PTPRD: variants seen among roughly 807,000 people sequenced by gnomAD.
PTPRD encodes the protein protein tyrosine phosphatase receptor type D.
Under a neutral mutation model 214.5 loss-of-function variants are expected in PTPRD, and 34 were observed. The ratio of observed to expected loss-of-function variants is 0.16; its 90% CI spans 0.12 to 0.21. The LOEUF is 0.21. Among genes scored for constraint, PTPRD ranks in the 10% least tolerant of loss-of-function variants. The probability of loss-of-function intolerance (pLI) is 1.00; values close to 1 mark genes in which losing one functional copy is unlikely to be tolerated. For synonymous variants in PTPRD, 1,128 were observed against 845.7 expected, an observed-to-expected ratio of 1.33 and a Z score of -5.79; for missense variants, 2,545 against 2,398.7, an observed-to-expected ratio of 1.06 and a Z score of -1.27.
intron 2 of PTPRD, among the ~76,000 whole-genome samples, chr9:10,421,844 G>T: frequency 6.6e-6 from 1 of 151,108 alleles, no homozygotes; most frequent in Non-Finnish European, 1.5e-5. Context: ...TTCTGCTTTG[G>T]TTAATTTTAT....
intron 3 of PTPRD, among the ~76,000 whole-genome samples, chr9:10,106,174 A>C (rs2154219877): frequency 1.3e-5 from 2 of 151,884 alleles, no homozygotes; most frequent in Middle Eastern, 3.4e-3. Context: ...ATCTTTTAAC[A>C]AGTTCTCTCC....
At chr9:10,145,036 C>T (rs187713028) in intron 3 of PTPRD, among the ~76,000 whole-genome samples, 3 of 151,894 alleles carry the variant, frequency 2.0e-5, no homozygotes, top group Admixed American at 1.3e-4. Context: ...AATAAACACA[C>T]CGATTTTTCA....
intron 44 of PTPRD, among the ~76,000 whole-genome samples, chr9:8,331,012 T>TATTA (rs2131576828): frequency 6.7e-6 from 1 of 150,344 alleles, no homozygotes; most frequent in East Asian, 1.9e-4. Flanking sequence ...TATTTATTTC[T>TATTA]ATTAACTTCA....
Position 10,406,279 on chromosome 9 carries a change from ATAAG to A in PTPRD, c.-599-65266_-599-65263del, listed in dbSNP as rs565285493. ...AAAATTTTATTAGTTTATTCATCTA[ATAAG>A]TAACCATTTAAGTTACCATATAACC... On this transcript the variant is annotated intron_variant, in intron 2 of 45. Coordinates refer to ENST00000381196, the MANE Select transcript of PTPRD (RefSeq NM_002839.4). 3.4e-3 allele frequency among the ~76,000 whole-genome samples: 511 copies of A among 151,628 alleles called. 4 individuals carry two copies. The highest frequency in any genetic ancestry group is 5.5e-3 in the Non-Finnish European group (373 of 67,682).
chr9:8,330,613 A>G (rs1473774939), intron 44 of PTPRD, among the ~76,000 whole-genome samples: 3 of 152,194 alleles, frequency 2.0e-5, no homozygotes, highest in Non-Finnish European at 4.4e-5. Flanking sequence ...TTCTTATAAC[A>G]TGCCTGAGAA....
intron 3 of PTPRD, among the ~76,000 whole-genome samples, chr9:10,245,213 A>G (rs2091880159): frequency 6.6e-6 from 1 of 152,138 alleles, no homozygotes; most frequent in South Asian, 2.1e-4. Context: ...TCCTCCAAGG[A>G]TAGATTAGTC....
intron 5 of PTPRD, among the ~76,000 whole-genome samples, chr9:9,781,794 C>A (rs1258374685): frequency 9.1e-6 from 1 of 110,292 alleles, no homozygotes; most frequent in Non-Finnish European, 1.7e-5. Flanking sequence ...TGTCTGGACT[C>A]ATATTTTTTT....
At chr9:9,915,907 C>T (rs1413176402) in intron 5 of PTPRD, among the ~76,000 whole-genome samples, 1 of 151,816 alleles carries the variant, frequency 6.6e-6, no homozygotes, top group Non-Finnish European at 1.5e-5. Context: ...AGGTCTACTC[C>T]AAGGCGCATT....
At chr9:9,908,547 C>T (rs572984128) in intron 5 of PTPRD, among the ~76,000 whole-genome samples, 55 of 152,098 alleles carry the variant, frequency 3.6e-4, no homozygotes, top group African/African-American at 1.3e-3. Flanking sequence ...TATATTATTT[C>T]TCAAATGATA....
At chr9:9,419,128 TACACACACACACAC>T (rs142908778) in intron 8 of PTPRD, among the ~76,000 whole-genome samples, 20 of 139,898 alleles carry the variant, frequency 1.4e-4, no homozygotes, top group Non-Finnish European at 2.8e-4. Context: ...AGGCCCCTTA[TACACACACACACAC>T]ACACACACAC....
chr9:9,478,633 A>C (rs562223304), intron 8 of PTPRD, among the ~76,000 whole-genome samples: 24 of 152,220 alleles, frequency 1.6e-4, no homozygotes, highest in Non-Finnish European at 3.5e-4. Flanking sequence ...TCTATCCCAA[A>C]GAGTTAGCCT....
At chr9:9,077,193 T>C (rs2099752512) in intron 10 of PTPRD, among the ~76,000 whole-genome samples, 1 of 151,516 alleles carries the variant, frequency 6.6e-6, no homozygotes, top group Admixed American at 6.6e-5. Context: ...GAGCTCCTTA[T>C]ATATTCTGGT....
intron 3 of PTPRD, among the ~76,000 whole-genome samples, chr9:10,312,878 C>T (rs1009510243): frequency 6.6e-6 from 1 of 151,876 alleles, no homozygotes; most frequent in Admixed American, 6.6e-5. Flanking sequence ...TATAAAATTT[C>T]TTGTCATCTA....
intron 10 of PTPRD, among the ~76,000 whole-genome samples, chr9:9,138,968 C>A (rs546219019): frequency 6.6e-6 from 1 of 152,002 alleles, no homozygotes; most frequent in Non-Finnish European, 1.5e-5. Context: ...TTACAGTAAT[C>A]TTCATTAAGG....
intron 21 of PTPRD, among the ~76,000 whole-genome samples, chr9:8,515,924 C>A (rs10124867): frequency 0.19 from 29,163 of 151,990 alleles, 2,982 homozygotes; most frequent in East Asian, 0.26. Flanking sequence ...GACTAGAAAA[C>A]TGAAGTTCAG....
intron 8 of PTPRD, among the ~76,000 whole-genome samples, chr9:9,500,561 G>A (rs886825104): frequency 7.9e-5 from 12 of 151,432 alleles, no homozygotes; most frequent in Non-Finnish European, 1.5e-4. Flanking sequence ...ATGGCACCAC[G>A]GAGGCTTGAG....
At chr9:9,086,414 T>G (rs1027802987) in intron 10 of PTPRD, among the ~76,000 whole-genome samples, 1 of 152,170 alleles carries the variant, frequency 6.6e-6, no homozygotes, top group Non-Finnish European at 1.5e-5. Context: ...AAGCTGTCCC[T>G]CTTAAGAAGG....
chr9:10,424,266 T>A (rs777701399), intron 2 of PTPRD, among the ~76,000 whole-genome samples: 9 of 151,810 alleles, frequency 5.9e-5, no homozygotes, highest in Non-Finnish European at 1.3e-4. Context: ...AAAAAGAACA[T>A]CTAAATCAAA....
intron 3 of PTPRD, among the ~76,000 whole-genome samples, chr9:10,321,867 G>T (rs1409609533): frequency 6.6e-6 from 1 of 151,956 alleles, no homozygotes; most frequent in African/African-American, 2.4e-5. Context: ...TTTTTCGGAA[G>T]AGGAATTCGC....
Sources: allele counts gnomAD v4.1 joint callset (sites outside exome capture counted in the v4.1 genomes callset), GRCh38; gene constraint gnomAD v4.1.1; transcripts MANE v1.5; gene names NCBI Gene and HGNC (gene_info 2026-07-23, HGNC 2026-07-21).